SPOCK1: variants seen among roughly 807,000 people sequenced by gnomAD.
The protein encoded by SPOCK1 is testican-1.
A neutral mutation model predicts 55.3 loss-of-function variants in SPOCK1; 23 were observed. That is an observed-to-expected ratio of 0.42 (90% confidence interval 0.30 to 0.59). The LOEUF (loss-of-function observed/expected upper bound fraction) is 0.59, where lower values mean the gene tolerates loss of function less well. Among genes scored for constraint, SPOCK1 ranks in the 20% least tolerant of loss-of-function variants. The pLI is 0.22. For missense variants in SPOCK1, 499 were observed against 552.5 expected (o/e 0.90, Z 0.97); for synonymous variants, 226 against 221.0 (o/e 1.02, Z -0.20).
chr5:137,051,165 T>G (rs115364732), intron 6 of SPOCK1, among the ~76,000 whole-genome samples: 3,895 of 152,348 alleles, frequency 0.026, 83 homozygotes, highest in East Asian at 0.097. Context: ...TTGAACTGGC[T>G]ATTTAAAACA....
intron 2 of SPOCK1, among the ~76,000 whole-genome samples, chr5:137,290,949 T>C (rs1757359264): frequency 1.3e-5 from 2 of 152,208 alleles, no homozygotes. Context: ...TCCAAGTGCA[T>C]AAAACATCTC....
intron 9 of SPOCK1, among the ~76,000 whole-genome samples, chr5:136,980,258 A>G (rs1458887055): frequency 1.3e-5 from 2 of 151,524 alleles, no homozygotes; most frequent in Non-Finnish European, 2.9e-5. Flanking sequence ...GATTAGTTCT[A>G]ATTTTTCACT....
chr5:137,327,330 T>C lies in SPOCK1; in HGVS notation c.187-60275A>G, dbSNP rs535643620. On this transcript the variant is annotated intron_variant, in intron 2 of 10. Transcript: ENST00000394945. ...AACTGATGTTACCAAAAACTAACAG[T>C]TTTTAGTAACTTTTAATTTTTCTGA... is the stretch of plus-strand genomic sequence containing the variant. Among the ~76,000 whole-genome samples, 24 of 152,282 alleles carry C rather than the reference T, an allele frequency of 1.6e-4. No homozygotes were observed. The South Asian group carries it at 2.9e-3, about 18-fold the overall frequency.
chr5:137,372,092 T>C (rs1226402642), intron 2 of SPOCK1, among the ~76,000 whole-genome samples: 1 of 152,234 alleles, frequency 6.6e-6, no homozygotes, highest in Non-Finnish European at 1.5e-5. Context: ...TCCTAAGGCA[T>C]TGAAATCTTG....
intron 6 of SPOCK1, among the ~76,000 whole-genome samples, chr5:137,051,972 CTG>C (rs1752216006): frequency 6.6e-6 from 1 of 152,206 alleles, no homozygotes. Context: ...CCATGCGTGA[CTG>C]TACTCAGACT....
At chr5:137,160,253 T>C (rs1754499681) in intron 3 of SPOCK1, among the ~76,000 whole-genome samples, 1 of 148,676 alleles carries the variant, frequency 6.7e-6, no homozygotes, top group African/African-American at 2.5e-5. Flanking sequence ...AATAACAGTC[T>C]CCAATCTCAT....
chr5:137,309,959 A>G (rs1043649523), intron 2 of SPOCK1, among the ~76,000 whole-genome samples: 2 of 152,134 alleles, frequency 1.3e-5, no homozygotes, highest in African/African-American at 4.8e-5. Flanking sequence ...CCACATATAC[A>G]TCATTAATCT....
intron 3 of SPOCK1, among the ~76,000 whole-genome samples, chr5:137,219,728 G>A (rs6596367): frequency 0.4 from 60,124 of 151,712 alleles, 12,976 homozygotes; most frequent in Non-Finnish European, 0.48. Flanking sequence ...CTGAACATAT[G>A]TCTGTCCAGG....
At chr5:137,237,436 C>T (rs1756201851) in intron 3 of SPOCK1, among the ~76,000 whole-genome samples, 1 of 152,178 alleles carries the variant, frequency 6.6e-6, no homozygotes, top group Admixed American at 6.5e-5. Flanking sequence ...TGCTTTCACT[C>T]CTAAAATGAA....
intron 2 of SPOCK1, among the ~76,000 whole-genome samples, chr5:137,283,672 G>C (rs1244012187): frequency 1.3e-5 from 2 of 151,990 alleles, no homozygotes; most frequent in Admixed American, 1.3e-4. Flanking sequence ...CCAAGATCAT[G>C]CCACTGCACT....
At chr5:137,224,152 T>C (rs1225615575) in intron 3 of SPOCK1, among the ~76,000 whole-genome samples, 1 of 152,226 alleles carries the variant, frequency 6.6e-6, no homozygotes, top group Non-Finnish European at 1.5e-5. Flanking sequence ...AGTCTCCCTG[T>C]AGCTTTGCCA....
chr5:137,418,195 A>G (rs910551334), intron 2 of SPOCK1, among the ~76,000 whole-genome samples: 2 of 152,094 alleles, frequency 1.3e-5, no homozygotes, highest in African/African-American at 4.8e-5. Context: ...TTCTTAATCC[A>G]GTCTATCATT....
chr5:137,294,629 C>T lies in SPOCK1; in HGVS notation c.187-27574G>A, dbSNP rs189181792. ...TTCCACATATCAGCTGGCATTCCTA[C>T]CCAGGGTTCTATACATAAATAAAGA... is the stretch of plus-strand genomic sequence containing the variant. On this transcript the variant is annotated intron_variant, in intron 2 of 10. Transcript: ENST00000394945. Among the ~76,000 whole-genome samples the T allele has an allele frequency of 1.6e-3, 238 of 152,294 alleles. 1 individual carries two copies. The highest frequency in any genetic ancestry group is 5.5e-3 in the African/African-American group (230 of 41,568).
chr5:137,099,578 G>GTA (rs34194618), intron 5 of SPOCK1, among the ~76,000 whole-genome samples: 98 of 150,276 alleles, frequency 6.5e-4, no homozygotes, highest in Middle Eastern at 3.4e-3. Context: ...ATATGTGTGT[G>GTA]TATATATATA....
intron 2 of SPOCK1, among the ~76,000 whole-genome samples, chr5:137,384,951 G>A (rs770872883): frequency 3.9e-5 from 6 of 152,082 alleles, no homozygotes; most frequent in Non-Finnish European, 8.8e-5. Flanking sequence ...CATAACTACT[G>A]TAGGATGGGG....
chr5:137,088,425 G>A (rs972338128), intron 5 of SPOCK1, among the ~76,000 whole-genome samples: 1 of 152,142 alleles, frequency 6.6e-6, no homozygotes, highest in African/African-American at 2.4e-5. Flanking sequence ...TCTCCCATAT[G>A]GGTTTGTTTC....
At chr5:137,427,814 C>G (rs1442806128) in intron 2 of SPOCK1, among the ~76,000 whole-genome samples, 1 of 150,144 alleles carries the variant, frequency 6.7e-6, no homozygotes, top group African/African-American at 2.5e-5. Flanking sequence ...TAGGCTGAGG[C>G]AGGAGAATGG....
intron 6 of SPOCK1, among the ~76,000 whole-genome samples, chr5:137,021,780 T>A (rs1217899724): frequency 2.6e-5 from 4 of 152,140 alleles, no homozygotes; most frequent in Admixed American, 6.5e-5. Context: ...GGGAAGAAGA[T>A]GACAATATTT....
intron 2 of SPOCK1, among the ~76,000 whole-genome samples, chr5:137,280,591 A>G (rs1349114170): frequency 6.6e-6 from 1 of 152,240 alleles, no homozygotes; most frequent in Non-Finnish European, 1.5e-5. Flanking sequence ...ATCTTTAAAA[A>G]TCCCTTTCCT....
Sources: allele counts gnomAD v4.1 joint callset (sites outside exome capture counted in the v4.1 genomes callset), GRCh38; gene constraint gnomAD v4.1.1; transcripts MANE v1.5; gene names NCBI Gene and HGNC (gene_info 2026-07-23, HGNC 2026-07-21).